The following PALS2 variants were observed in gnomAD, a reference collection of about 807,000 sequenced individuals.
PALS2 encodes the protein protein associated with LIN7 2, MAGUK p55 family member.
PALS2 carries 27 observed loss-of-function variants against 61.6 expected under a neutral mutation model. The ratio of observed to expected loss-of-function variants is 0.44; its 90% CI spans 0.32 to 0.60. PALS2 has a LOEUF of 0.60. Among genes scored for constraint, PALS2 ranks in the 20% least tolerant of loss-of-function variants. The pLI is 0.05. For synonymous variants in PALS2, 236 were observed against 218.6 expected (o/e 1.08, Z -0.70); for missense variants, 554 against 639.4 (o/e 0.87, Z 1.44).
chr7:24,685,086 A>T (rs929710211), intron 11 of PALS2, among the ~76,000 whole-genome samples: 5 of 151,904 alleles, frequency 3.3e-5, no homozygotes, highest in Non-Finnish European at 7.4e-5. Flanking sequence ...TCCATTAGCT[A>T]TTCTTCCTGA....
chr7:24,602,618 A>G (rs1422185979), intron 1 of PALS2, among the ~76,000 whole-genome samples: 1 of 152,204 alleles, frequency 6.6e-6, no homozygotes, highest in Non-Finnish European at 1.5e-5. Context: ...TTGTATCAGC[A>G]TTTAATAATC....
At chr7:24,617,054 G>C (rs991845230) in intron 1 of PALS2, among the ~76,000 whole-genome samples, 15 of 152,002 alleles carry the variant, frequency 9.9e-5, no homozygotes, top group Non-Finnish European at 2.1e-4. Context: ...GTGAATATTT[G>C]TTCACTTAAT....
rs139102709 is a variant in PALS2 at position 24,637,137 on chromosome 7, TA to T, written c.118-4578del. Among the ~76,000 whole-genome samples, 788 of 152,234 alleles carry T rather than the reference TA, an allele frequency of 5.2e-3. 7 individuals are homozygous for T. The highest frequency in any genetic ancestry group is 0.017 in the African/African-American group (720 of 41,562). On this transcript the variant is annotated intron_variant, in intron 2 of 11. Transcript: ENST00000222644. ...TGTGGTTCTCCTGATTCTACAGATA[TA>T]TCTAAGAGAAGCTCAGCAGTGCTAT... is the stretch of plus-strand genomic sequence containing the variant.
intron 9 of PALS2, among the ~76,000 whole-genome samples, chr7:24,671,532 A>G (rs533720531): frequency 6.6e-6 from 1 of 152,210 alleles, no homozygotes; most frequent in South Asian, 2.1e-4. Context: ...TTTCATTTTG[A>G]TGAAGTCCAA....
At chr7:24,607,609 A>G (rs557717491) in intron 1 of PALS2, among the ~76,000 whole-genome samples, 36 of 149,784 alleles carry the variant, frequency 2.4e-4, no homozygotes, top group Admixed American at 1.8e-3. Flanking sequence ...GTGTATATAT[A>G]CATATATATG....
At chr7:24,628,784 C>A (rs1025742696) in intron 2 of PALS2, among the ~76,000 whole-genome samples, 4 of 152,126 alleles carry the variant, frequency 2.6e-5, no homozygotes, top group Admixed American at 6.5e-5. Context: ...ATACAACTTA[C>A]AAGGGATGTG....
chr7:24,691,747 A>G lies in PALS2; in HGVS notation c.*4133A>G, dbSNP rs1159301745. The G allele has an allele frequency of 1.3e-5, 2 of 152,106 alleles. No homozygotes were observed. Among genetic ancestry groups the G allele is most frequent in the African/African-American group, 4.8e-5 (2 of 41,536 alleles). The allele number at this position is 152,106 out of a possible 1,614,324, so 9.4% of individuals were successfully genotyped here. Reference sequence around the variant, plus strand: ...TTGGAAATTCTTATTTAAACTTTTGAATGAATCTTTAATATGATTCAGGCT... The same window carrying G: ...TTGGAAATTCTTATTTAAACTTTTGGATGAATCTTTAATATGATTCAGGCT... On this transcript the variant is annotated 3_prime_UTR_variant, in exon 12 of 12. Coordinates refer to ENST00000222644, the MANE Select transcript of PALS2 (RefSeq NM_001303037.2).
At chr7:24,686,123 G>A (rs537231321) in intron 11 of PALS2, among the ~76,000 whole-genome samples, 1 of 152,242 alleles carries the variant, frequency 6.6e-6, no homozygotes, top group Admixed American at 6.5e-5. Flanking sequence ...AGAAACCTAA[G>A]AGCAATTCTT....
chr7:24,618,954 G>A lies in PALS2; in HGVS notation c.-2-4712G>A, dbSNP rs775586276. Reference sequence around the variant, plus strand: ...AGCCATCTTACTGACATCACTCTTCGTGTCTTGTCTTTTTTTGATTAGACT... The same window carrying A: ...AGCCATCTTACTGACATCACTCTTCATGTCTTGTCTTTTTTTGATTAGACT... On this transcript the variant is annotated intron_variant, in intron 1 of 11. Coordinates refer to ENST00000222644, the MANE Select transcript of PALS2 (RefSeq NM_001303037.2). The surrounding 1 kb of genome is among the most constrained non-coding windows in gnomAD (Gnocchi z 5.1). Among the ~76,000 whole-genome samples the A allele has an allele frequency of 1.3e-5, 2 of 152,158 alleles. No individual in the cohort carries two copies. Among genetic ancestry groups the A allele is most frequent in the Non-Finnish European group, 2.9e-5 (2 of 68,018 alleles).
chr7:24,678,188 C>A (rs1220856242), intron 9 of PALS2, among the ~76,000 whole-genome samples: 1 of 152,152 alleles, frequency 6.6e-6, no homozygotes, highest in Admixed American at 6.6e-5. Context: ...AGAGAGTACA[C>A]ATTTGCAACA....
At position 24,692,777 on chromosome 7, in the gene PALS2, A is replaced by G. The variant is rs1431194304; in HGVS notation, c.*5163A>G. 6.6e-6 allele frequency: 1 copy of G among 152,172 alleles called. No individual in the cohort carries two copies. Among genetic ancestry groups the G allele is most frequent in the African/African-American group, 2.4e-5 (1 of 41,460 alleles). The allele number at this position is 152,172 out of a possible 1,614,324, so 9.4% of individuals were successfully genotyped here. Reference sequence around the variant, plus strand: ...TACTCGGTTACACCAGAAGACTCTGATCTTTGCCCCCGAAAACTGTCCTAC... The same window carrying G: ...TACTCGGTTACACCAGAAGACTCTGGTCTTTGCCCCCGAAAACTGTCCTAC... On this transcript the variant is annotated 3_prime_UTR_variant, in exon 12 of 12. Transcript: ENST00000222644.
chr7:24,614,000 T>C (rs897073926), intron 1 of PALS2, among the ~76,000 whole-genome samples: 3 of 151,830 alleles, frequency 2.0e-5, no homozygotes, highest in African/African-American at 7.2e-5. Context: ...TTGGACACTT[T>C]GATTGATTCT....
intron 1 of PALS2, among the ~76,000 whole-genome samples, chr7:24,591,960 A>G (rs963197570): frequency 1.3e-5 from 2 of 152,072 alleles, no homozygotes; most frequent in African/African-American, 4.8e-5. Context: ...CATTTTGTGA[A>G]ATCACAAACA....
chr7:24,670,525 G>A (rs113675299), intron 9 of PALS2, among the ~76,000 whole-genome samples: 44 of 152,086 alleles, frequency 2.9e-4, no homozygotes, highest in African/African-American at 1.0e-3. Flanking sequence ...TTGTTTTGCT[G>A]GGGTACATCC....
At chr7:24,605,578 TAAGAATAGGTCTATAAAGACATA>T (rs1283604801) in intron 1 of PALS2, among the ~76,000 whole-genome samples, 28 of 152,132 alleles carry the variant, frequency 1.8e-4, no homozygotes, top group East Asian at 3.9e-4. Flanking sequence ...TGTAAATATG[TAAGAATAGGTCTATAAAGACATA>T]AAGAATAGGT....
chr7:24,678,957 A>G (rs1034883555), intron 9 of PALS2, among the ~76,000 whole-genome samples, 174 bp from the exon 10 acceptor site: 1 of 152,204 alleles, frequency 6.6e-6, no homozygotes, highest in Non-Finnish European at 1.5e-5. Context: ...ACAAATGAGT[A>G]TGGCTGTGGT....
chr7:24,672,897 G>A (rs1165057406), intron 9 of PALS2, among the ~76,000 whole-genome samples: 1 of 152,046 alleles, frequency 6.6e-6, no homozygotes, highest in Non-Finnish European at 1.5e-5. Flanking sequence ...TTATGTCGTT[G>A]TCTTGTCTAC....
At chr7:24,682,553 A>G (rs1237474521) in intron 11 of PALS2, among the ~76,000 whole-genome samples, 1 of 152,066 alleles carries the variant, frequency 6.6e-6, no homozygotes, top group Non-Finnish European at 1.5e-5. Context: ...TGGGGTAATC[A>G]TAAGAGTCAC....
chr7:24,608,182 A>T (rs1310961905), intron 1 of PALS2, among the ~76,000 whole-genome samples: 1 of 152,110 alleles, frequency 6.6e-6, no homozygotes, highest in East Asian at 1.9e-4. Flanking sequence ...CCTGTTGTTC[A>T]GTACTATCAG....
Sources: allele counts gnomAD v4.1 joint callset (sites outside exome capture counted in the v4.1 genomes callset), GRCh38; gene constraint gnomAD v4.1.1; non-coding constraint Gnocchi (gnomAD v3.1); transcripts MANE v1.5; gene names NCBI Gene and HGNC (gene_info 2026-07-23, HGNC 2026-07-21).